TLR8: variants seen among roughly 807,000 people sequenced by gnomAD.
TLR8 encodes toll-like receptor 8.
A neutral mutation model predicts 18.5 loss-of-function variants in TLR8; 5 were observed. That is an observed-to-expected ratio of 0.27 (90% CI 0.14 to 0.57). The LOEUF is 0.57. Among genes scored for constraint, TLR8 ranks in the 20% least tolerant of loss-of-function variants. The pLI is 0.92. For synonymous variants in TLR8, 299 were observed against 300.1 expected, an observed-to-expected ratio of 1.00 and a Z score of 0.04; for missense variants, 543 against 769.8, an observed-to-expected ratio of 0.71 and a Z score of 3.49.
In TLR8 at chrX:12,922,079, G is replaced by A. The variant is rs2043099863; in HGVS notation, c.3039G>A (p.Leu1013=). The change falls in exon 2 of 2, where the codon TTG becomes TTA. Residue 1013 remains leucine, a synonymous_variant. Transcript: ENST00000218032. ...QWPDNPKAEG[L]FWQTLRNVVL... is the part of the protein sequence containing the mutation. ...CTGACAACCCGAAGGCAGAAGGCTT[G>A]TTTTGGCAAACTCTGAGAAATGTGG... The A allele has an allele frequency of 8.3e-7, 1 of 1,211,568 alleles. No individual in the cohort carries two copies.
At chrX:12,916,484 C>T (rs1329992501) in intron 1 of TLR8, among the ~76,000 whole-genome samples, 2 of 111,802 alleles carry the variant, frequency 1.8e-5, no homozygotes, top group Non-Finnish European at 3.8e-5. Context: ...CCTCAAAGTG[C>T]CTTGCATGTC....
chrX:12,911,471 T>C (rs5744046), intron 1 of TLR8, among the ~76,000 whole-genome samples: 49 of 111,635 alleles, frequency 4.4e-4, no homozygotes, highest in Middle Eastern at 4.6e-3. Context: ...TGTGTGTCTA[T>C]TTCCAAATTC....
chrX:12,920,703 G>T lies in TLR8; in HGVS notation c.1663G>T (p.Asp555Tyr), dbSNP rs750369510. The change falls in exon 2 of 2, where the codon GAC (aspartate) becomes TAC (tyrosine). Residue 555 changes from aspartate to tyrosine, a missense_variant. By Grantham distance (160) the Asp-to-Tyr change is radical. Transcript: ENST00000218032. ...TGCTAGTGCTCTTACTGAATTGTCCGACTTGGAAGTTCTAGATCTCAGCTA... is the reference window on the plus strand; with the variant it reads ...TGCTAGTGCTCTTACTGAATTGTCCTACTTGGAAGTTCTAGATCTCAGCTA... ...DNASALTELSDLEVLDLSYNS... is the reference protein window; with the variant it reads ...DNASALTELSYLEVLDLSYNS... 7 of 1,210,363 alleles carry T rather than the reference G, an allele frequency of 5.8e-6. No homozygotes were observed. In the African/African-American group the frequency reaches 7.0e-5, roughly 12 times the overall value.
chrX:12,919,842 G>A lies in TLR8; in HGVS notation c.802G>A (p.Val268Met), dbSNP rs1283201785. The A allele has an allele frequency of 1.7e-6, 2 of 1,211,099 alleles. No homozygotes were observed. Among genetic ancestry groups the A allele is most frequent in the Admixed American group, 2.2e-5 (1 of 45,972 alleles). ...GTGCTTCAATGCCCCATTTCCATGCGTGCCTTGTGATGGTGGTGCTTCAAT... is the reference window on the plus strand; with the variant it reads ...GTGCTTCAATGCCCCATTTCCATGCATGCCTTGTGATGGTGGTGCTTCAAT... ...PRCFNAPFPC[V>M]PCDGGASINI... Residue 268 changes from valine (V) to methionine (M), a missense_variant, in exon 2 of 2, where the codon GTG becomes ATG. Coordinates refer to ENST00000218032, the MANE Select transcript of TLR8 (RefSeq NM_138636.5).
rs2043085324 is a variant in TLR8, at chrX:12,920,310, T to A, written c.1270T>A (p.Tyr424Asn). 1 of 1,208,415 alleles carries A rather than the reference T, an allele frequency of 8.3e-7. No individual in the cohort carries two copies. Among genetic ancestry groups the A allele is most frequent in the South Asian group, 1.8e-5 (1 of 56,311 alleles). The change falls in exon 2 of 2, where the codon TAC becomes AAC. Residue 424 changes from tyrosine to asparagine, a missense_variant. Physicochemically the swap from Tyr to Asn is moderately radical, Grantham distance 143. This residue lies in a region of TLR8 where 185 missense variants were observed against 298.9 expected (regional missense o/e 0.62). Coordinates refer to ENST00000218032, the MANE Select transcript of TLR8 (RefSeq NM_138636.5). Reference sequence around the variant, plus strand: ...AAATTTCTCCAATCTGGAAATTATTTACTTGTCAGAAAACAGAATATCACC... The same window carrying A: ...AAATTTCTCCAATCTGGAAATTATTAACTTGTCAGAAAACAGAATATCACC... ...FQNFSNLEII[Y>N]LSENRISPLV...
In TLR8 at chrX:12,906,694, G is replaced by A; in HGVS notation, c.-13G>A. 9.0e-7 allele frequency: 1 copy of A among 1,113,129 alleles called. No individual in the cohort carries two copies. The highest frequency in any genetic ancestry group is 1.2e-6 in the Non-Finnish European group (1 of 852,098). 91.7% of individuals were successfully genotyped at this position (1,113,129 alleles called of 1,213,427 possible). A position where few individuals can be genotyped will look rare whatever the true frequency, so the allele number is the denominator to read the frequency against. On this transcript the variant is annotated 5_prime_UTR_variant, in exon 1 of 2. It removes the in-frame stop codon of an upstream open reading frame in the 5' UTR. Transcript: ENST00000218032. ...CTGCAAGTTACGGAATGAAAAATTA[G>A]AACAACAGAAACATGGTAAGCCACT...
At chrX:12,907,874 G>A (rs1019107070) in intron 1 of TLR8, among the ~76,000 whole-genome samples, 2 of 111,494 alleles carry the variant, frequency 1.8e-5, no homozygotes, top group Non-Finnish European at 3.8e-5. Flanking sequence ...GATCTTGAAG[G>A]TAAATTAATT....
rs543638648 is a variant in TLR8, at chrX:12,921,218, C to T, written c.2178C>T (p.His726=). Residue 726 remains histidine, a synonymous_variant, in exon 2 of 2, where the codon CAC becomes CAT. Coordinates refer to ENST00000218032, the MANE Select transcript of TLR8 (RefSeq NM_138636.5). ...TLLLSHNRIS[H]LPSGFLSEVS... is the part of the protein sequence containing the mutation. ...TGCTGAGTCATAACAGGATTTCCCA[C>T]CTACCCTCTGGCTTTCTTTCTGAAG... The T allele has an allele frequency of 1.3e-4, 154 of 1,210,270 alleles. 3 individuals are homozygous for T. The South Asian group carries it at 2.6e-3, about 20-fold the overall frequency.
Position 12,920,401 on chromosome X carries a change from G to A in TLR8, c.1361G>A (p.Arg454Gln). ...SSSFQRHIRK[R>Q]RSTDFEFDPH... ...TCTTTTCAACGTCATATCCGGAAAC[G>A]ACGCTCAACAGATTTTGAGTTTGAC... The change falls in exon 2 of 2, where the codon CGA becomes CAA. Residue 454 changes from arginine (R) to glutamine (Q), a missense_variant. Transcript: ENST00000218032. 1 of 1,208,891 alleles carries A rather than the reference G, an allele frequency of 8.3e-7. No homozygotes were observed. Among genetic ancestry groups the A allele is most frequent in the Non-Finnish European group, 1.1e-6 (1 of 894,292 alleles).
chrX:12,920,696 A>G lies in TLR8; in HGVS notation c.1656A>G (p.Glu552=), dbSNP rs763801920. 1.2e-5 allele frequency: 15 copies of G among 1,211,870 alleles called. No individual in the cohort carries two copies. In the South Asian group the frequency reaches 2.5e-4, roughly 20 times the overall value. ...LDFDNASALT[E]LSDLEVLDLS... ...TTGATAATGCTAGTGCTCTTACTGA[A>G]TTGTCCGACTTGGAAGTTCTAGATC... Residue 552 remains glutamate (E), a synonymous_variant, in exon 2 of 2, where the codon GAA becomes GAG. Transcript: ENST00000218032.
At position 12,922,120 on chromosome X, in the gene TLR8, A is replaced by G; in HGVS notation, c.3080A>G (p.Asp1027Gly). Residue 1027 changes from aspartate (D) to glycine (G), a missense_variant, in exon 2 of 2, where the codon GAT becomes GGT. Physicochemically the swap from Asp to Gly is moderately conservative, Grantham distance 94. Around this residue, in one of 4 missense-constraint regions of TLR8, gnomAD observed 227 missense variants for 312.9 expected, o/e 0.73. Coordinates refer to ENST00000218032, the MANE Select transcript of TLR8 (RefSeq NM_138636.5). ...TLRNVVLTEN[D>G]SRYNNMYVDS... ...AGAAATGTGGTCTTGACTGAAAATG[A>G]TTCACGGTATAACAATATGTATGTC... is the stretch of plus-strand genomic sequence containing the variant. The G allele has an allele frequency of 8.3e-7, 1 of 1,210,141 alleles. No individual in the cohort carries two copies. Among genetic ancestry groups the G allele is most frequent in the Non-Finnish European group, 1.1e-6 (1 of 894,625 alleles).
intron 1 of TLR8, among the ~76,000 whole-genome samples, chrX:12,916,255 G>A (rs2043055033): frequency 8.9e-6 from 1 of 111,905 alleles, no homozygotes; most frequent in East Asian, 2.8e-4. Context: ...ACCTTGTAAT[G>A]TTGTGTTTAA....
chrX:12,919,626 G>A lies in TLR8; in HGVS notation c.586G>A (p.Val196Ile). 8.3e-7 allele frequency: 1 copy of A among 1,211,380 alleles called. No homozygotes were observed. The highest frequency in any genetic ancestry group is 1.8e-5 in the South Asian group (1 of 56,812). The change falls in exon 2 of 2, where the codon GTA becomes ATA. Residue 196 changes from valine (V) to isoleucine (I), a missense_variant. Val to Ile is a conservative substitution (Grantham distance 29). Around this residue, in one of 4 missense-constraint regions of TLR8, gnomAD observed 185 missense variants for 298.9 expected, o/e 0.62. Coordinates refer to ENST00000218032, the MANE Select transcript of TLR8 (RefSeq NM_138636.5). The part of the protein sequence containing the change: ...VCEKTNIEDG[V>I]FETLTNLELL... ...CGAGAAAACTAACATAGAAGATGGA[G>A]TATTTGAAACGCTGACAAATTTGGA...
chrX:12,910,513 GAATTTATTTTA>G, intron 1 of TLR8: 1 of 1,079,833 alleles, frequency 9.3e-7, no homozygotes, highest in South Asian at 2.1e-5. Context: ...ACACTACGTG[GAATTTATTTTA>G]GTCTCACATG....
intron 1 of TLR8, among the ~76,000 whole-genome samples, chrX:12,909,979 T>C (rs1451812397): frequency 4.4e-5 from 5 of 112,428 alleles, no homozygotes; most frequent in Non-Finnish European, 9.4e-5. Context: ...ATCTCTTTAA[T>C]GATAAGTGCA....
At chrX:12,910,489 A>T (rs1410333209) in intron 1 of TLR8, 1 of 1,125,898 alleles carries the variant, frequency 8.9e-7, no homozygotes, top group Non-Finnish European at 1.2e-6. Flanking sequence ...CCCCTCCCAG[A>T]CCACCTGCAC....
intron 1 of TLR8, among the ~76,000 whole-genome samples, chrX:12,911,920 T>C (rs2043023444): frequency 8.9e-6 from 1 of 112,685 alleles, no homozygotes; most frequent in African/African-American, 3.2e-5. Flanking sequence ...TCCATTTTGC[T>C]AAACTTTGTA....
In TLR8 at chrX:12,920,454, C is replaced by T. The variant is rs1303181160; in HGVS notation, c.1414C>T (p.Arg472Cys). ...ACATTCGAACTTTTATCATTTCACC[C>T]GTCCTTTAATAAAGCCACAATGTGC... ...DPHSNFYHFT[R>C]PLIKPQCAAY... The change falls in exon 2 of 2, where the codon CGT becomes TGT. Residue 472 changes from arginine to cysteine, a missense_variant. Transcript: ENST00000218032. 1 of 1,210,828 alleles carries T rather than the reference C, an allele frequency of 8.3e-7. No homozygotes were observed. The highest frequency in any genetic ancestry group is 1.1e-6 in the Non-Finnish European group (1 of 895,115).
In TLR8 at chrX:12,919,705, G is replaced by A; in HGVS notation, c.665G>A (p.Ser222Asn). ...TCACACGTGCCACCCAAACTGCCAA[G>A]CTCCCTACGCAAACTTTTTCTGAGC... is the stretch of plus-strand genomic sequence containing the variant. ...SLSHVPPKLP[S>N]SLRKLFLSNT... is the part of the protein sequence containing the mutation. Residue 222 changes from serine (S) to asparagine (N), a missense_variant, in exon 2 of 2, where the codon AGC becomes AAC. Transcript: ENST00000218032. The A allele has an allele frequency of 3.3e-6, 4 of 1,210,135 alleles. No individual in the cohort carries two copies. The highest frequency in any genetic ancestry group is 4.5e-6 in the Non-Finnish European group (4 of 894,767).
Sources: allele counts gnomAD v4.1 joint callset (sites outside exome capture counted in the v4.1 genomes callset), GRCh38; gene constraint gnomAD v4.1.1; regional missense constraint gnomAD v4.1.1; transcripts MANE v1.5; gene names NCBI Gene and HGNC (gene_info 2026-07-23, HGNC 2026-07-21).